The following HMGA2 variants were observed in gnomAD, a reference collection of about 807,000 sequenced individuals.
HMGA2 encodes the protein high mobility group protein HMGI-C.
A neutral mutation model predicts 19.1 loss-of-function variants in HMGA2; 8 were observed. The ratio of observed to expected loss-of-function variants is 0.42; its 90% CI spans 0.25 to 0.76. The LOEUF is 0.76. HMGA2 is among the 30% of genes least tolerant of loss of function. The pLI, the probability that HMGA2 is intolerant of heterozygous loss-of-function variation, is 0.28. For missense variants in HMGA2, 109 were observed against 136.3 expected (o/e 0.80, Z 1.00); for synonymous variants, 60 against 48.8 (o/e 1.23, Z -0.96).
intron 3 of HMGA2, among the ~76,000 whole-genome samples, chr12:65,882,996 A>C (rs1873496910): frequency 6.6e-6 from 1 of 152,234 alleles, no homozygotes; most frequent in African/African-American, 2.4e-5. Context: ...GCTCAACTCC[A>C]ACTAGGAGGA....
intron 3 of HMGA2, among the ~76,000 whole-genome samples, chr12:65,926,817 C>G (rs1379485538): frequency 6.6e-6 from 1 of 152,134 alleles, no homozygotes; most frequent in East Asian, 1.9e-4. Context: ...TGTCTCACAA[C>G]ACACACAGCT....
intron 3 of HMGA2, among the ~76,000 whole-genome samples, chr12:65,927,789 A>C (rs61219701): frequency 1.8e-3 from 278 of 150,552 alleles, no homozygotes; most frequent in African/African-American, 5.5e-3. Flanking sequence ...ATAAAGGCTT[A>C]TTGGTCTGTC....
At chr12:65,901,093 C>T (rs1042686499) in intron 3 of HMGA2, among the ~76,000 whole-genome samples, 1 of 152,102 alleles carries the variant, frequency 6.6e-6, no homozygotes, top group Admixed American at 6.6e-5. Flanking sequence ...AGTGATGACA[C>T]GTTGGCAGCT....
At position 65,963,463 on chromosome 12, in the gene HMGA2, A is replaced by T. The variant is rs1876815132; in HGVS notation, c.*171A>T. On this transcript the variant is annotated 3_prime_UTR_variant, in exon 5 of 5. Transcript: ENST00000403681. ...GGGTGGGGAGAAATCACATAACCTT[A>T]AAAAGGACTATATTAATCACCTTCT... is the stretch of plus-strand genomic sequence containing the variant. 1.6e-6 allele frequency: 1 copy of T among 619,838 alleles called. No individual in the cohort carries two copies. The highest frequency in any genetic ancestry group is 2.9e-6 in the Non-Finnish European group (1 of 349,788). 38.4% of individuals were successfully genotyped at this position (619,838 alleles called of 1,614,324 possible). A position where few individuals can be genotyped will look rare whatever the true frequency, so the allele number is the denominator to read the frequency against.
chr12:65,904,290 CT>C, intron 3 of HMGA2, among the ~76,000 whole-genome samples: 1 of 152,306 alleles, frequency 6.6e-6, no homozygotes, highest in East Asian at 1.9e-4. Context: ...CCCAGTCTAC[CT>C]CTAGATTATA....
rs1173885928 is a variant in HMGA2 at position 65,885,950 on chromosome 12, A to G, written c.249+47381A>G. Among the ~76,000 whole-genome samples, 4 of 152,280 alleles carry G rather than the reference A, an allele frequency of 2.6e-5. No individual in the cohort carries two copies. The East Asian group carries it at 7.7e-4, about 29-fold the overall frequency. On this transcript the variant is annotated intron_variant, in intron 3 of 4. Coordinates refer to ENST00000403681, the MANE Select transcript of HMGA2 (RefSeq NM_003483.6). ...CACCCCTTTCCTGGAAAACACATGA[A>G]TAAGCCACCCCCTTGTTTAGCATAT... is the stretch of plus-strand genomic sequence containing the variant.
intron 3 of HMGA2, among the ~76,000 whole-genome samples, chr12:65,910,864 G>A (rs111238988): frequency 0.018 from 2,745 of 152,276 alleles, 88 homozygotes; most frequent in African/African-American, 0.062. Context: ...TGAATTCAAA[G>A]GCGCAAATTC....
At chr12:65,829,378 A>G (rs1870375023) in intron 2 of HMGA2, among the ~76,000 whole-genome samples, 1 of 152,084 alleles carries the variant, frequency 6.6e-6, no homozygotes, top group Non-Finnish European at 1.5e-5. Context: ...GTTATTTAAA[A>G]ATGGCAATAT....
chr12:65,919,044 T>G (rs140501779), intron 3 of HMGA2, among the ~76,000 whole-genome samples: 1 of 152,332 alleles, frequency 6.6e-6, no homozygotes, highest in Non-Finnish European at 1.5e-5. Context: ...CTAGACAGTC[T>G]TGTTTCATCT....
At chr12:65,922,861 T>C (rs1168746703) in intron 3 of HMGA2, among the ~76,000 whole-genome samples, 1 of 151,856 alleles carries the variant, frequency 6.6e-6, no homozygotes, top group African/African-American at 2.4e-5. Flanking sequence ...ATAAGTCTTA[T>C]GAGATCTGAT....
At chr12:65,858,799 A>T (rs1280556425) in intron 3 of HMGA2, 2 of 152,234 alleles carry the variant, frequency 1.3e-5, no homozygotes, top group East Asian at 3.8e-4. Flanking sequence ...CTTTCTGATT[A>T]TTTTTAAAAG....
intron 2 of HMGA2, among the ~76,000 whole-genome samples, chr12:65,836,788 T>A (rs1262947388): frequency 6.6e-6 from 1 of 152,226 alleles, no homozygotes; most frequent in Non-Finnish European, 1.5e-5. Context: ...TAAACAATGA[T>A]TCAGAGTGTC....
chr12:65,904,235 C>T (rs965302395), intron 3 of HMGA2, among the ~76,000 whole-genome samples: 3 of 152,204 alleles, frequency 2.0e-5, no homozygotes, highest in African/African-American at 7.2e-5. Context: ...CTGCTTCCAC[C>T]CAGTGTGTTC....
chr12:65,926,021 T>G (rs1190391210), intron 3 of HMGA2, among the ~76,000 whole-genome samples: 1 of 152,214 alleles, frequency 6.6e-6, no homozygotes, highest in Non-Finnish European at 1.5e-5. Context: ...AGATAATATA[T>G]TACCAGCTCC....
chr12:65,955,372 T>C (rs1315207853), intron 4 of HMGA2: 1 of 152,090 alleles, frequency 6.6e-6, no homozygotes, highest in African/African-American at 2.4e-5. Flanking sequence ...GTTACTCAAG[T>C]TTTTACTTTG....
Position 65,951,447 on chromosome 12 carries a change from A to G in HMGA2, c.282+32A>G, listed in dbSNP as rs1565741401. On this transcript the variant is annotated intron_variant, in intron 4 of 4. Transcript: ENST00000403681. ...CATAGTCATTAATTTTTTTCTCCCA[A>G]TTAATATAAAAAGTGAAATATGTAC... 2.2e-6 allele frequency: 3 copies of G among 1,394,398 alleles called. No homozygotes were observed. The East Asian group carries it at 7.5e-5, about 35-fold the overall frequency. 86.4% of individuals were successfully genotyped at this position (1,394,398 alleles called of 1,614,324 possible).
At chr12:65,860,102 A>G (rs2120971700) in intron 3 of HMGA2, 1 of 432,770 alleles carries the variant, frequency 2.3e-6, no homozygotes, top group African/African-American at 2.0e-5. Context: ...AAAAGAAAAG[A>G]AAAGAAAAGA....
intron 3 of HMGA2, among the ~76,000 whole-genome samples, chr12:65,892,412 C>A (rs138073201): frequency 5.1e-4 from 78 of 152,312 alleles, no homozygotes; most frequent in African/African-American, 1.9e-3. Flanking sequence ...CAGATACTGG[C>A]TGCACGGAGG....
rs796562625 is a variant in HMGA2 at position 65,884,192 on chromosome 12, T to C, written c.249+45623T>C. ...TCATATTTTTTATATACAGATTGAA[T>C]ATCCCTAATTTGAAAACCTGAAATC... On this transcript the variant is annotated intron_variant, in intron 3 of 4. Coordinates refer to ENST00000403681, the MANE Select transcript of HMGA2 (RefSeq NM_003483.6). Among the ~76,000 whole-genome samples, 4 of 152,198 alleles carry C rather than the reference T, an allele frequency of 2.6e-5. No individual in the cohort carries two copies. In the East Asian group the frequency reaches 7.7e-4, roughly 29 times the overall value.
Sources: gnomAD v4.1 joint callset for allele counts (sites outside exome capture counted in the v4.1 genomes callset) on GRCh38, gnomAD v4.1.1 for gene constraint, MANE v1.5 for transcripts, NCBI Gene and HGNC (gene_info 2026-07-23, HGNC 2026-07-21) for gene names.